Variants in ADGRG2 observed in about 807,000 individuals in gnomAD.
ADGRG2 encodes adhesion G protein-coupled receptor G2.
Under a neutral mutation model 74.1 loss-of-function variants are expected in ADGRG2, and 26 were observed. The observed-to-expected ratio is 0.35, with a 90% CI of 0.26 to 0.49. The LOEUF is 0.49. Ranked by LOEUF, ADGRG2 falls within the 20% of genes least tolerant of loss-of-function variation. ADGRG2 has a pLI of 0.99. For synonymous variants in ADGRG2, 296 were observed against 295.2 expected (o/e 1.00, Z -0.03); for missense variants, 619 against 763.1 (o/e 0.81, Z 2.22).
At chrX:19,027,720 T>C (rs2060735388) in intron 10 of ADGRG2, among the ~76,000 whole-genome samples, 1 of 112,245 alleles carries the variant, frequency 8.9e-6, no homozygotes. Context: ...TGGCACATAG[T>C]AGGTGCTCAG....
chrX:19,048,168 C>A (rs1254399678), intron 3 of ADGRG2, among the ~76,000 whole-genome samples: 1 of 111,657 alleles, frequency 9.0e-6, no homozygotes, highest in African/African-American at 3.3e-5. Context: ...TCTCTCAGGG[C>A]TTTATGAACT....
chrX:19,112,912 C>G (rs1333407881), intron 1 of ADGRG2, among the ~76,000 whole-genome samples: 1 of 98,526 alleles, frequency 1.0e-5, no homozygotes, highest in Non-Finnish European at 2.0e-5. Flanking sequence ...GAGCCGAGAT[C>G]GCGCCACTGC....
At chrX:19,112,098 G>T (rs2062423178) in intron 1 of ADGRG2, among the ~76,000 whole-genome samples, 1 of 109,654 alleles carries the variant, frequency 9.1e-6, no homozygotes, top group Non-Finnish European at 1.9e-5. Context: ...TTCAGACAGG[G>T]TCTTGCTCTG....
intron 15 of ADGRG2, among the ~76,000 whole-genome samples, chrX:19,019,046 C>T (rs1053255933): frequency 5.4e-5 from 6 of 111,449 alleles, no homozygotes; most frequent in South Asian, 3.7e-4. Context: ...GGGGTTTCAC[C>T]GTGTTAGCCG....
chrX:19,051,928 A>G, intron 3 of ADGRG2, among the ~76,000 whole-genome samples: 1 of 112,440 alleles, frequency 8.9e-6, no homozygotes, highest in Middle Eastern at 4.6e-3. Context: ...TGAGCAAACT[A>G]AATGACAGTT....
chrX:19,108,583 G>A (rs149795337), intron 1 of ADGRG2, among the ~76,000 whole-genome samples: 73 of 112,052 alleles, frequency 6.5e-4, no homozygotes, highest in African/African-American at 2.2e-3. Flanking sequence ...AATATTATTC[G>A]GCAGTGACAA....
chrX:19,036,306 G>A (rs2060939485), intron 6 of ADGRG2: 1 of 137,593 alleles, frequency 7.3e-6, no homozygotes, highest in East Asian at 2.0e-4. Context: ...TATAATGAAC[G>A]TCCCTAAGGG....
chrX:19,001,590 T>C (rs2060133342), intron 24 of ADGRG2, among the ~76,000 whole-genome samples: 1 of 111,989 alleles, frequency 8.9e-6, no homozygotes, highest in South Asian at 3.7e-4. Context: ...TTCAGCCTTC[T>C]CTAAAGAAGA....
intron 11 of ADGRG2, among the ~76,000 whole-genome samples, chrX:19,026,133 C>G (rs139568227): frequency 6.2e-5 from 7 of 112,024 alleles, no homozygotes; most frequent in African/African-American, 1.6e-4. Flanking sequence ...TGCTATCTGC[C>G]AAATGCTTCT....
At position 19,068,757 on chromosome X, in the gene ADGRG2, G is replaced by A. The variant is rs770433458; in HGVS notation, c.78C>T (p.Val26=). ...EVLLTFKIFL[V]IICLHVVLVT... Reference sequence around the variant, plus strand: ...CCAGAACGACATGAAGACAAATGATGACAAGGAATATCTTGAACGTCAGTA... The same window carrying A: ...CCAGAACGACATGAAGACAAATGATAACAAGGAATATCTTGAACGTCAGTA... Residue 26 remains valine, a synonymous_variant, in exon 3 of 29, where the codon GTC becomes GTT. Coordinates refer to ENST00000379869, the MANE Select transcript of ADGRG2 (RefSeq NM_001079858.3). 2.6e-6 allele frequency: 3 copies of A among 1,148,959 alleles called. No individual in the cohort carries two copies. The South Asian group carries it at 5.6e-5, about 22-fold the overall frequency. 94.7% of individuals were successfully genotyped at this position (1,148,959 alleles called of 1,213,427 possible). A position where few individuals can be genotyped will look rare whatever the true frequency, so the allele number is the denominator to read the frequency against.
chrX:19,119,482 A>T (rs2062578202), intron 1 of ADGRG2, among the ~76,000 whole-genome samples: 2 of 111,634 alleles, frequency 1.8e-5, no homozygotes, highest in South Asian at 7.5e-4. Flanking sequence ...CATAAAAACT[A>T]GCTCCCAGGT....
chrX:19,059,586 T>C (rs967732716), intron 3 of ADGRG2, among the ~76,000 whole-genome samples: 1 of 110,321 alleles, frequency 9.1e-6, no homozygotes, highest in African/African-American at 3.3e-5. Flanking sequence ...GTACTATGTA[T>C]GAAGTAGTAC....
chrX:19,000,820 C>T (rs1383257446), intron 24 of ADGRG2, among the ~76,000 whole-genome samples: 4 of 104,346 alleles, frequency 3.8e-5, no homozygotes, highest in Non-Finnish European at 5.9e-5. Flanking sequence ...CCTCCGCCTC[C>T]GCCTCCCGGG....
chrX:19,051,808 C>T (rs918191540), intron 3 of ADGRG2, among the ~76,000 whole-genome samples: 5 of 111,866 alleles, frequency 4.5e-5, no homozygotes, highest in African/African-American at 1.6e-4. Context: ...GATGTGTGCA[C>T]AGGCCATCCT....
chrX:19,099,063 A>C (rs2062145608), intron 1 of ADGRG2, among the ~76,000 whole-genome samples: 1 of 111,894 alleles, frequency 8.9e-6, no homozygotes, highest in African/African-American at 3.2e-5. Context: ...AGGCGCCTGT[A>C]ATCCCAGCTT....
chrX:19,035,777 T>G (rs759830660), intron 7 of ADGRG2, 165 bp downstream of exon 7: 1 of 355,846 alleles, frequency 2.8e-6, no homozygotes, highest in Non-Finnish European at 5.0e-6. Flanking sequence ...GACAGAATTA[T>G]AGTTCAATGT....
chrX:19,035,104 G>A (rs1173290799), intron 7 of ADGRG2: 1 of 111,720 alleles, frequency 9.0e-6, no homozygotes, highest in Non-Finnish European at 1.9e-5. Flanking sequence ...AAACCTAAGC[G>A]TTGAGAGAAA....
At chrX:19,095,007 G>C (rs1035986123) in intron 1 of ADGRG2, among the ~76,000 whole-genome samples, 1 of 111,919 alleles carries the variant, frequency 8.9e-6, no homozygotes, top group Non-Finnish European at 1.9e-5. Context: ...AACTTGACAG[G>C]TTCAACGGTT....
chrX:19,116,580 T>G (rs2062519885), intron 1 of ADGRG2, among the ~76,000 whole-genome samples: 1 of 106,468 alleles, frequency 9.4e-6, no homozygotes, highest in African/African-American at 3.5e-5. Flanking sequence ...CTTATAAGAC[T>G]GCATGTATTG....
Sources: allele counts gnomAD v4.1 joint callset (sites outside exome capture counted in the v4.1 genomes callset), GRCh38; gene constraint gnomAD v4.1.1; transcripts MANE v1.5; gene names NCBI Gene and HGNC (gene_info 2026-07-23, HGNC 2026-07-21).